TTC28: variants seen among roughly 807,000 people sequenced by gnomAD.
TTC28 encodes the protein tetratricopeptide repeat protein 28.
TTC28 carries 61 observed loss-of-function variants against 198.0 expected under a neutral mutation model. The ratio of observed to expected loss-of-function variants is 0.31; its 90% CI spans 0.25 to 0.38. TTC28 has a LOEUF of 0.38. Ranked by LOEUF, TTC28 falls within the 10% of genes least tolerant of loss-of-function variation. TTC28 has a pLI of 1.00. For synonymous variants in TTC28, 1,171 were observed against 1,297.8 expected (o/e 0.90, Z 2.10); for missense variants, 2,678 against 3,164.0 (o/e 0.85, Z 3.69).
intron 18 of TTC28, 171 bp from the exon 19 acceptor site, chr22:27,992,834 C>T (rs1431338235): frequency 2.9e-6 from 2 of 679,910 alleles, no homozygotes; most frequent in East Asian, 5.5e-5. Flanking sequence ...ACAGCGTGGT[C>T]TCCCAGGAAG....
intron 3 of TTC28, among the ~76,000 whole-genome samples, chr22:28,300,163 T>G (rs2044990524): frequency 6.6e-6 from 1 of 152,206 alleles, no homozygotes; most frequent in Admixed American, 6.5e-5. Flanking sequence ...CTTTAGCTTC[T>G]GATTCAAGGA....
chr22:28,516,531 G>A (rs561611624), intron 2 of TTC28, among the ~76,000 whole-genome samples: 8 of 137,036 alleles, frequency 5.8e-5, no homozygotes, highest in South Asian at 2.5e-4. Flanking sequence ...AACACCGCAC[G>A]TTTTCACTCA....
chr22:28,646,404 G>A (rs1326801446), intron 1 of TTC28, among the ~76,000 whole-genome samples: 1 of 152,166 alleles, frequency 6.6e-6, no homozygotes, highest in African/African-American at 2.4e-5. Flanking sequence ...AGAAATCACA[G>A]ATGACACAAA....
chr22:28,217,055 T>C (rs1187634746), intron 5 of TTC28, among the ~76,000 whole-genome samples: 6 of 152,102 alleles, frequency 3.9e-5, no homozygotes, highest in Non-Finnish European at 8.8e-5. Context: ...ATGAAACGTT[T>C]AGCTTCAGTG....
At chr22:28,660,685 G>A (rs542658519) in intron 1 of TTC28, among the ~76,000 whole-genome samples, 7 of 152,084 alleles carry the variant, frequency 4.6e-5, no homozygotes, top group African/African-American at 1.4e-4. Flanking sequence ...CACCACACCC[G>A]GCTAATTTTT....
At chr22:28,066,585 T>A (rs1940764478) in intron 12 of TTC28, among the ~76,000 whole-genome samples, 1 of 152,156 alleles carries the variant, frequency 6.6e-6, no homozygotes. Context: ...TATTGGTCTG[T>A]CCAGCAGGTT....
chr22:28,166,004 A>T (rs1000007429), intron 5 of TTC28, among the ~76,000 whole-genome samples: 1 of 152,174 alleles, frequency 6.6e-6, no homozygotes, highest in Non-Finnish European at 1.5e-5. Flanking sequence ...CAAATGGAAA[A>T]CAAAAAAAGG....
intron 12 of TTC28, among the ~76,000 whole-genome samples, chr22:28,075,184 A>C (rs1413206929): frequency 6.6e-6 from 1 of 152,198 alleles, no homozygotes; most frequent in African/African-American, 2.4e-5. Flanking sequence ...TCATTCAAGA[A>C]GACCAATTAT....
chr22:28,269,626 G>A (rs923932458), intron 5 of TTC28, among the ~76,000 whole-genome samples: 7 of 152,206 alleles, frequency 4.6e-5, no homozygotes, highest in Non-Finnish European at 1.0e-4. Flanking sequence ...ACCCTGGGCT[G>A]CAAGTTTTCA....
intron 2 of TTC28, among the ~76,000 whole-genome samples, chr22:28,471,994 T>C (rs943349426): frequency 8.5e-5 from 13 of 152,090 alleles, no homozygotes; most frequent in Admixed American, 1.3e-4. Context: ...CAACATTTAA[T>C]AAATGATGTA....
Position 28,156,076 on chromosome 22 carries a change from T to A in TTC28, c.1441+7016A>T, listed in dbSNP as rs1601397912. ...CAAGAAAATAAATCAAATGATGACT[T>A]CAGAGTTCTAAGTCAGGATGGTATG... is the stretch of plus-strand genomic sequence containing the variant. On this transcript the variant is annotated intron_variant, in intron 6 of 22. Transcript: ENST00000397906. 3.3e-5 allele frequency among the ~76,000 whole-genome samples: 5 copies of A among 152,340 alleles called. No homozygotes were observed. The Middle Eastern group carries it at 0.017, about 518-fold the overall frequency.
intron 2 of TTC28, among the ~76,000 whole-genome samples, chr22:28,327,428 A>G (rs939541967): frequency 1.3e-5 from 2 of 152,218 alleles, no homozygotes; most frequent in African/African-American, 4.8e-5. Flanking sequence ...AGCTTTATTC[A>G]GGCATGAGTG....
intron 6 of TTC28, among the ~76,000 whole-genome samples, chr22:28,145,785 G>A (rs1402974231): frequency 6.6e-6 from 1 of 152,184 alleles, no homozygotes; most frequent in Non-Finnish European, 1.5e-5. Flanking sequence ...TTCGACATAT[G>A]ATACAAACTA....
chr22:28,530,937 C>G (rs1052208181), intron 2 of TTC28, among the ~76,000 whole-genome samples: 4 of 152,152 alleles, frequency 2.6e-5, no homozygotes, highest in East Asian at 1.9e-4. Context: ...ACAACCGGTA[C>G]CAGCCACTGC....
At chr22:28,633,362 G>A (rs977425541) in intron 1 of TTC28, among the ~76,000 whole-genome samples, 8 of 151,586 alleles carry the variant, frequency 5.3e-5, no homozygotes, top group Non-Finnish European at 1.2e-4. Flanking sequence ...AGGTACAATA[G>A]CTCATGCCTG....
intron 5 of TTC28, among the ~76,000 whole-genome samples, chr22:28,283,406 C>T (rs896739437): frequency 1.2e-4 from 18 of 151,998 alleles, no homozygotes; most frequent in Admixed American, 1.1e-3. Context: ...TAATAAAGCA[C>T]ATAGTGTAGA....
chr22:28,234,524 C>A (rs907459092), intron 5 of TTC28, among the ~76,000 whole-genome samples: 2 of 151,484 alleles, frequency 1.3e-5, no homozygotes, highest in African/African-American at 2.4e-5. Context: ...AGGTGTGCAC[C>A]ACCACACCCA....
intron 2 of TTC28, among the ~76,000 whole-genome samples, chr22:28,595,038 T>C (rs1230956402): frequency 3.3e-5 from 5 of 152,192 alleles, no homozygotes; most frequent in Non-Finnish European, 1.5e-5. Context: ...GGCCTTTTAA[T>C]AACAAGTAGG....
rs538193739 is a variant in TTC28, at chr22:28,400,970, C to A, written c.382-94327G>T. Among the ~76,000 whole-genome samples the A allele has an allele frequency of 1.8e-4, 27 of 152,216 alleles. No homozygotes were observed. The South Asian group carries it at 5.4e-3, about 30-fold the overall frequency. ...ATATTCACTGAATACTAAAAAGGCA[C>A]AAATTCTATTCTTATTTTAAGTTGA... is the stretch of plus-strand genomic sequence containing the variant. On this transcript the variant is annotated intron_variant, in intron 2 of 22. Coordinates refer to ENST00000397906, the MANE Select transcript of TTC28 (RefSeq NM_001145418.2).
Sources: allele counts gnomAD v4.1 joint callset (sites outside exome capture counted in the v4.1 genomes callset), GRCh38; gene constraint gnomAD v4.1.1; transcripts MANE v1.5; gene names NCBI Gene and HGNC (gene_info 2026-07-23, HGNC 2026-07-21).